Variants in KIAA0825 observed in about 807,000 individuals in gnomAD.
KIAA0825 encodes KIAA0825.
In KIAA0825, 119 loss-of-function variants were observed where a neutral mutation model predicts 147.6. The ratio of observed to expected loss-of-function variants is 0.81; its 90% CI spans 0.69 to 0.94. The LOEUF (loss-of-function observed/expected upper bound fraction) is 0.94, where lower values mean the gene tolerates loss of function less well. Ranked by LOEUF, KIAA0825 falls within the 40% of genes least tolerant of loss-of-function variation. The pLI, the probability that KIAA0825 is intolerant of heterozygous loss-of-function variation, is 0.00. For synonymous variants in KIAA0825, 470 were observed against 518.1 expected (o/e 0.91, Z 1.26); for missense variants, 1,381 against 1,472.7 (o/e 0.94, Z 1.02).
At chr5:94,205,708 C>T (rs557745488) in intron 20 of KIAA0825, among the ~76,000 whole-genome samples, 109 of 152,164 alleles carry the variant, frequency 7.2e-4, no homozygotes, top group Non-Finnish European at 1.0e-3. Flanking sequence ...CTTTATATTT[C>T]GGATCATATT....
intron 20 of KIAA0825, among the ~76,000 whole-genome samples, chr5:94,242,322 A>G (rs1180189956): frequency 2.6e-5 from 4 of 152,012 alleles, no homozygotes; most frequent in African/African-American, 9.7e-5. Flanking sequence ...TCTCCTTTCC[A>G]TTACCACTAT....
intron 20 of KIAA0825, among the ~76,000 whole-genome samples, chr5:94,343,299 AAAGGGCAG>A (rs1222338194): frequency 2.0e-5 from 3 of 152,038 alleles, no homozygotes; most frequent in Non-Finnish European, 4.4e-5. Flanking sequence ...GGTTTATTTA[AAAGGGCAG>A]AAGAACCATC....
intron 3 of KIAA0825, among the ~76,000 whole-genome samples, chr5:94,530,935 T>A (rs1770674758): frequency 1.3e-5 from 2 of 152,176 alleles, no homozygotes; most frequent in Non-Finnish European, 2.9e-5. Flanking sequence ...ATTTTCAGTA[T>A]CATACTATTC....
At chr5:94,553,779 A>AG (rs1776015998) in intron 2 of KIAA0825, among the ~76,000 whole-genome samples, 1 of 151,960 alleles carries the variant, frequency 6.6e-6, no homozygotes, top group African/African-American at 2.4e-5. Flanking sequence ...AACAACCAAA[A>AG]AAAAAAAACA....
intron 20 of KIAA0825, among the ~76,000 whole-genome samples, chr5:94,275,521 A>AT (rs1413733806): frequency 6.6e-6 from 1 of 152,194 alleles, no homozygotes; most frequent in Non-Finnish European, 1.5e-5. Context: ...ACAATTAATA[A>AT]TAGTGCTTAC....
chr5:94,153,883 G>T lies in KIAA0825; in HGVS notation c.*124C>A. 1.6e-6 allele frequency: 1 copy of T among 633,488 alleles called. No homozygotes were observed. The highest frequency in any genetic ancestry group is 2.8e-6 in the Non-Finnish European group (1 of 353,798). 39.2% of individuals were successfully genotyped at this position (633,488 alleles called of 1,614,324 possible). A position where few individuals can be genotyped will look rare whatever the true frequency, so the allele number is the denominator to read the frequency against. On this transcript the variant is annotated 3_prime_UTR_variant, in exon 21 of 21. Coordinates refer to ENST00000682413, the MANE Select transcript of KIAA0825 (RefSeq NM_001145678.3). ...GTGCTGTATTCCTTTTCAGTACAGA[G>T]ATTACTCAGTCATTGGTTTCATGCT...
chr5:94,232,647 G>T (rs914503049), intron 20 of KIAA0825, among the ~76,000 whole-genome samples: 1 of 152,070 alleles, frequency 6.6e-6, no homozygotes, highest in African/African-American at 2.4e-5. Flanking sequence ...AAATGAATGT[G>T]ACTTTTAGGG....
Position 94,299,524 on chromosome 5 carries a change from T to C in KIAA0825, c.3710+84844A>G, listed in dbSNP as rs541183345. Among the ~76,000 whole-genome samples the C allele has an allele frequency of 3.9e-5, 6 of 152,220 alleles. No homozygotes were observed. In the South Asian group the frequency reaches 8.3e-4, roughly 21 times the overall value. On this transcript the variant is annotated intron_variant, in intron 20 of 20. Transcript: ENST00000682413. ...GCCACCATTCCTTGCCTGAATTCAA[T>C]CTTACATTTTAACACACATGTAAAT...
intron 10 of KIAA0825, among the ~76,000 whole-genome samples, chr5:94,468,730 AAACCACAGG>A: frequency 6.8e-6 from 1 of 148,020 alleles, no homozygotes; most frequent in Non-Finnish European, 1.5e-5. Context: ...GGCATAAATC[AAACCACAGG>A]AACCTTCAGT....
chr5:94,198,107 G>A (rs1223049434), intron 20 of KIAA0825, among the ~76,000 whole-genome samples: 2 of 152,088 alleles, frequency 1.3e-5, no homozygotes, highest in African/African-American at 2.4e-5. Flanking sequence ...AGCATGGAAT[G>A]TTTTTCCATG....
chr5:94,316,982 A>T (rs1779719353), intron 20 of KIAA0825, among the ~76,000 whole-genome samples: 1 of 151,848 alleles, frequency 6.6e-6, no homozygotes, highest in Non-Finnish European at 1.5e-5. Context: ...ACTCCTGATG[A>T]CAAGTGATAT....
chr5:94,480,165 A>C (rs897319162), intron 6 of KIAA0825, among the ~76,000 whole-genome samples: 3 of 152,082 alleles, frequency 2.0e-5, no homozygotes, highest in Admixed American at 6.6e-5. Flanking sequence ...TTGTGGTAGC[A>C]AATGAAGAGA....
chr5:94,205,268 CATATATATATATATATATATAT>C (rs5869623), intron 20 of KIAA0825, among the ~76,000 whole-genome samples: 1 of 90,308 alleles, frequency 1.1e-5, no homozygotes, highest in African/African-American at 4.5e-5. Flanking sequence ...ACTATTTAAT[CATATATATATATATATATATAT>C]ATATATATAT....
At chr5:94,530,202 C>T (rs1770494152) in intron 3 of KIAA0825, among the ~76,000 whole-genome samples, 2 of 128,658 alleles carry the variant, frequency 1.6e-5, no homozygotes, top group African/African-American at 6.2e-5. Flanking sequence ...ACTGGGGAGG[C>T]AGAGGTTGCA....
intron 20 of KIAA0825, among the ~76,000 whole-genome samples, chr5:94,308,123 G>A (rs530423085): frequency 1.3e-5 from 2 of 151,770 alleles, no homozygotes; most frequent in Middle Eastern, 3.4e-3. Flanking sequence ...CAGCATCACT[G>A]CAACACAGAC....
At chr5:94,560,824 T>C (rs1777421198) in intron 2 of KIAA0825, among the ~76,000 whole-genome samples, 2 of 152,192 alleles carry the variant, frequency 1.3e-5, no homozygotes, top group Admixed American at 1.3e-4. Context: ...GTGGTATAAT[T>C]ATATACATGT....
intron 20 of KIAA0825, among the ~76,000 whole-genome samples, chr5:94,240,487 T>A (rs1008444857): frequency 6.6e-6 from 1 of 152,186 alleles, no homozygotes; most frequent in Non-Finnish European, 1.5e-5. Flanking sequence ...CTTAGTTTAG[T>A]TTAAGTGTAA....
intron 20 of KIAA0825, among the ~76,000 whole-genome samples, chr5:94,279,120 C>T (rs1163776109): frequency 6.6e-6 from 1 of 151,964 alleles, no homozygotes; most frequent in Non-Finnish European, 1.5e-5. Flanking sequence ...GAATTAGTAA[C>T]AGGCTGTAGG....
chr5:94,507,188 G>A (rs1313231092), intron 5 of KIAA0825, among the ~76,000 whole-genome samples: 2 of 152,042 alleles, frequency 1.3e-5, no homozygotes, highest in Non-Finnish European at 1.5e-5. Flanking sequence ...GGTGGCTCAC[G>A]CCTGTAATCC....
Sources: allele counts gnomAD v4.1 joint callset (sites outside exome capture counted in the v4.1 genomes callset), GRCh38; gene constraint gnomAD v4.1.1; transcripts MANE v1.5; gene names NCBI Gene and HGNC (gene_info 2026-07-23, HGNC 2026-07-21).